PPP6R3: variants seen among roughly 807,000 people sequenced by gnomAD.
PPP6R3 encodes the protein protein phosphatase 6 regulatory subunit 3.
In PPP6R3, 38 loss-of-function variants were observed where a neutral mutation model predicts 110.7. The ratio of observed to expected loss-of-function variants is 0.34; its 90% CI spans 0.26 to 0.45. The LOEUF (loss-of-function observed/expected upper bound fraction) is 0.45, where lower values mean the gene tolerates loss of function less well. PPP6R3 is among the 20% of genes least tolerant of loss of function. PPP6R3 has a pLI of 1.00. For missense variants in PPP6R3, 870 were observed against 1,062.4 expected (o/e 0.82, Z 2.52); for synonymous variants, 369 against 373.5 (o/e 0.99, Z 0.14).
chr11:68,487,902 C>T (rs937376138), intron 1 of PPP6R3, among the ~76,000 whole-genome samples: 1 of 152,120 alleles, frequency 6.6e-6, no homozygotes, highest in African/African-American at 2.4e-5. Flanking sequence ...TATTGAGTTC[C>T]ATCATGTCCT....
Position 68,613,214 on chromosome 11 carries a change from C to A in PPP6R3, c.*97C>A. 1 of 1,551,794 alleles carries A rather than the reference C, an allele frequency of 6.4e-7. No homozygotes were observed. On this transcript the variant is annotated 3_prime_UTR_variant, in exon 24 of 24. Transcript: ENST00000393800. The stretch of plus-strand genomic sequence containing the variant: ...GGAGCCCACCAAGCTGTCACTGCTG[C>A]ACTCACTCTGCAAGGGATCAGGACC...
At chr11:68,606,321 T>C (rs1181404295) in intron 22 of PPP6R3, among the ~76,000 whole-genome samples, 1 of 151,956 alleles carries the variant, frequency 6.6e-6, no homozygotes, top group Admixed American at 6.6e-5. Flanking sequence ...TCTTTCTTCT[T>C]CTTTCTTCTT....
In PPP6R3 at chr11:68,614,598, C is replaced by A. The variant is rs1457988762; in HGVS notation, c.*1481C>A. ...AAATAAAAGAATCAAACGTCTAATGCCTTATTATTTCTGATTTCCTTTTTC... is the reference window on the plus strand; with the variant it reads ...AAATAAAAGAATCAAACGTCTAATGACTTATTATTTCTGATTTCCTTTTTC... On this transcript the variant is annotated 3_prime_UTR_variant, in exon 24 of 24. Coordinates refer to ENST00000393800, the MANE Select transcript of PPP6R3 (RefSeq NM_001164161.2). 1 of 1,503,736 alleles carries A rather than the reference C, an allele frequency of 6.7e-7. No homozygotes were observed. The highest frequency in any genetic ancestry group is 8.8e-7 in the Non-Finnish European group (1 of 1,133,428). The allele number at this position is 1,503,736 out of a possible 1,614,324, so 93.1% of individuals were successfully genotyped here. A position where few individuals can be genotyped will look rare whatever the true frequency, so the allele number is the denominator to read the frequency against.
At chr11:68,541,863 G>A (rs1355629854) in intron 3 of PPP6R3, among the ~76,000 whole-genome samples, 1 of 152,078 alleles carries the variant, frequency 6.6e-6, no homozygotes, top group African/African-American at 2.4e-5. Context: ...CTGCTCATAA[G>A]AAACCACTCA....
chr11:68,517,916 C>T (rs949481495), intron 1 of PPP6R3, among the ~76,000 whole-genome samples: 2 of 148,554 alleles, frequency 1.3e-5, no homozygotes, highest in South Asian at 2.1e-4. Flanking sequence ...CCAGCCTGGG[C>T]GAGAGAGCAA....
chr11:68,524,194 A>G, intron 2 of PPP6R3, among the ~76,000 whole-genome samples: 1 of 152,146 alleles, frequency 6.6e-6, no homozygotes, highest in East Asian at 1.9e-4. Flanking sequence ...CATCTTTAGC[A>G]AGTTTTGCTT....
At chr11:68,470,327 G>A (rs968183576) in intron 1 of PPP6R3, among the ~76,000 whole-genome samples, 13 of 152,162 alleles carry the variant, frequency 8.5e-5, no homozygotes, top group African/African-American at 2.9e-4. Context: ...TGGCAGTGGG[G>A]TAGGGGCAGC....
intron 5 of PPP6R3, among the ~76,000 whole-genome samples, chr11:68,548,884 T>C (rs1208455483): frequency 6.6e-6 from 1 of 152,106 alleles, no homozygotes; most frequent in Admixed American, 6.5e-5. Flanking sequence ...GTCTTTTGTG[T>C]CTTTCCCTCT....
intron 1 of PPP6R3, among the ~76,000 whole-genome samples, chr11:68,508,203 A>G (rs1264801723): frequency 7.5e-6 from 1 of 133,100 alleles, no homozygotes; most frequent in African/African-American, 2.9e-5. Context: ...GTCTTGGCTC[A>G]CTGCAGCCTC....
chr11:68,581,178 C>T (rs2099552992), intron 14 of PPP6R3, among the ~76,000 whole-genome samples: 1 of 152,134 alleles, frequency 6.6e-6, no homozygotes, highest in African/African-American at 2.4e-5. Context: ...GATGTGTGTG[C>T]ATTGTGTTAC....
Position 68,537,713 on chromosome 11 carries a change from C to T in PPP6R3, c.49C>T (p.Leu17=), listed in dbSNP as rs1316226323. The T allele has an allele frequency of 6.2e-7, 1 of 1,613,238 alleles. No homozygotes were observed. The highest frequency in any genetic ancestry group is 8.5e-7 in the Non-Finnish European group (1 of 1,179,274). Residue 17 remains leucine (L), a synonymous_variant, in exon 3 of 24, where the codon CTA becomes TTA. Coordinates refer to ENST00000393800, the MANE Select transcript of PPP6R3 (RefSeq NM_001164161.2). ...CTCATCATCCCACATAGACACACTT[C>T]TAGAAAGAGAAGATGTAACACTGAA... is the stretch of plus-strand genomic sequence containing the variant. The part of the protein sequence containing the change: ...LHSSSHIDTL[L]EREDVTLKEL...
chr11:68,525,522 G>C (rs1162736466), intron 2 of PPP6R3, among the ~76,000 whole-genome samples: 3 of 152,126 alleles, frequency 2.0e-5, no homozygotes, highest in Non-Finnish European at 2.9e-5. Context: ...ACTTCCTGAA[G>C]GTTAACAGTT....
At chr11:68,462,957 C>CA (rs2098719016) in intron 1 of PPP6R3, among the ~76,000 whole-genome samples, 2 of 152,148 alleles carry the variant, frequency 1.3e-5, no homozygotes, top group South Asian at 4.1e-4. Flanking sequence ...TATAGCAAAG[C>CA]AAAGTCAACA....
chr11:68,538,216 CTA>C (rs577693889), intron 3 of PPP6R3, among the ~76,000 whole-genome samples: 94 of 152,314 alleles, frequency 6.2e-4, no homozygotes, highest in African/African-American at 2.1e-3. Flanking sequence ...CATGATGTGA[CTA>C]TGCAGAATCG....
intron 1 of PPP6R3, among the ~76,000 whole-genome samples, chr11:68,472,613 C>T (rs918571651): frequency 2.7e-5 from 4 of 150,528 alleles, no homozygotes; most frequent in South Asian, 2.1e-4. Flanking sequence ...ACTTATATCT[C>T]GGGGTTTTTT....
intron 15 of PPP6R3, 133 bp downstream of exon 15, chr11:68,583,262 C>A (rs2153826438): frequency 1.5e-6 from 1 of 662,356 alleles, no homozygotes; most frequent in Non-Finnish European, 2.5e-6. Flanking sequence ...TAGACCAAAG[C>A]ATTTAAAATA....
chr11:68,497,997 T>C (rs1326308361), intron 1 of PPP6R3, among the ~76,000 whole-genome samples: 1 of 152,338 alleles, frequency 6.6e-6, no homozygotes, highest in East Asian at 1.9e-4. Flanking sequence ...ACCTGGATAG[T>C]TTGTTCTGTG....
intron 4 of PPP6R3, 115 bp from the exon 5 acceptor site, chr11:68,547,952 A>T: frequency 9.2e-7 from 1 of 1,090,620 alleles, no homozygotes; most frequent in South Asian, 1.9e-5. Context: ...AGCATTTGCC[A>T]TTTCTCAACC....
At chr11:68,478,647 G>GTTTTGTTTTTT (rs2098860553) in intron 1 of PPP6R3, among the ~76,000 whole-genome samples, 1 of 50,506 alleles carries the variant, frequency 2.0e-5, no homozygotes, top group Admixed American at 3.7e-4. Context: ...CACTTGGTAA[G>GTTTTGTTTTTT]TTTTTTTTTT....
Sources: allele counts gnomAD v4.1 joint callset (sites outside exome capture counted in the v4.1 genomes callset), GRCh38; gene constraint gnomAD v4.1.1; transcripts MANE v1.5; gene names NCBI Gene and HGNC (gene_info 2026-07-23, HGNC 2026-07-21).